SLC8B1: variants seen among roughly 807,000 people sequenced by gnomAD.
SLC8B1 encodes solute carrier family 8 member B1.
In SLC8B1, 52 loss-of-function variants were observed where a neutral mutation model predicts 63.4. That is an observed-to-expected ratio of 0.82 (90% CI 0.66 to 1.03). SLC8B1 has a LOEUF of 1.03. Ranked by LOEUF, SLC8B1 falls within the 50% of genes least tolerant of loss-of-function variation. The pLI, the probability that SLC8B1 is intolerant of heterozygous loss-of-function variation, is 0.00. For missense variants in SLC8B1, 657 were observed against 741.7 expected, an observed-to-expected ratio of 0.89 and a Z score of 1.33; for synonymous variants, 336 against 323.9, an observed-to-expected ratio of 1.04 and a Z score of -0.40.
chr12:113,326,525 G>A (rs745315026), intron 2 of SLC8B1, among the ~76,000 whole-genome samples: 10 of 151,898 alleles, frequency 6.6e-5, no homozygotes, highest in African/African-American at 2.4e-4. Flanking sequence ...GTGCCACCAC[G>A]CCTGGCTGAT....
intron 15 of SLC8B1, chr12:113,302,314 A>G: frequency 4.8e-6 from 1 of 208,298 alleles, no homozygotes; most frequent in Non-Finnish European, 9.9e-6. Context: ...AAGGAACGTC[A>G]GGAGCCAACA....
intron 11 of SLC8B1, among the ~76,000 whole-genome samples, chr12:113,311,772 C>T (rs1956766013): frequency 6.9e-6 from 1 of 144,404 alleles, no homozygotes. Flanking sequence ...GACACAATCA[C>T]AGCTCACTGC....
At chr12:113,311,556 G>A (rs1011978443) in intron 11 of SLC8B1, among the ~76,000 whole-genome samples, 9 of 151,912 alleles carry the variant, frequency 5.9e-5, no homozygotes, top group Non-Finnish European at 8.8e-5. Context: ...GGGAGGTGGC[G>A]GTTGCAGTGA....
intron 13 of SLC8B1, 111 bp from the exon 14 acceptor site, chr12:113,306,686 T>C (rs1402615046): frequency 1.2e-6 from 1 of 831,762 alleles, no homozygotes. Context: ...CACAGATGGA[T>C]GCCCAAGTGT....
intron 2 of SLC8B1, among the ~76,000 whole-genome samples, chr12:113,321,668 A>C (rs1409326159): frequency 6.6e-6 from 1 of 152,104 alleles, no homozygotes; most frequent in Non-Finnish European, 1.5e-5. Flanking sequence ...ACATCCTTAC[A>C]GACATTTCTC....
chr12:113,320,618 G>A lies in SLC8B1; in HGVS notation c.489C>T (p.Asp163=), dbSNP rs1353476362. The change falls in exon 6 of 16, where the codon GAC becomes GAT. Residue 163 remains aspartate (D), a synonymous_variant. Coordinates refer to ENST00000680972, the MANE Select transcript of SLC8B1 (RefSeq NM_001358345.2). This position sits in a 1 kb window ranked among gnomAD's most constrained non-coding sequence, Gnocchi z 5.3. ...CAAGGGCCAGGCCGGCTGTGTGCGG[G>A]TCAGAGAAGGCCACCAGGGCACTGA... is the stretch of plus-strand genomic sequence containing the variant. ...DIFSALVAFS[D]PHTAGLALGA... The A allele has an allele frequency of 1.1e-5, 17 of 1,613,992 alleles. No individual in the cohort carries two copies. Among genetic ancestry groups the A allele is most frequent in the Middle Eastern group, 1.6e-4 (1 of 6,084 alleles).
rs953843328 is a variant in SLC8B1 at position 113,320,983 on chromosome 12, G to A, written c.362+73C>T. 6.9e-6 allele frequency: 11 copies of A among 1,590,158 alleles called. No individual in the cohort carries two copies. The Admixed American group carries it at 7.4e-5, about 11-fold the overall frequency. On this transcript the variant is annotated intron_variant, in intron 4 of 15. Coordinates refer to ENST00000680972, the MANE Select transcript of SLC8B1 (RefSeq NM_001358345.2). The surrounding 1 kb of genome is among the most constrained non-coding windows in gnomAD (Gnocchi z 5.3). Reference sequence around the variant, plus strand: ...CCCCTATCCTTCCCCCAAACTGAGGGTGACCGAATGTCAGCCTCCTGGGAC... The same window carrying A: ...CCCCTATCCTTCCCCCAAACTGAGGATGACCGAATGTCAGCCTCCTGGGAC...
At chr12:113,324,310 CAAAAAAAAACAAACAAACAAA>C (rs1395614998) in intron 2 of SLC8B1, among the ~76,000 whole-genome samples, 1 of 97,434 alleles carries the variant, frequency 1.0e-5, no homozygotes, top group East Asian at 3.3e-4. Context: ...AAGCCTGTCT[CAAAAAAAAACAAACAAACAAA>C]AAAAAAAACT....
intron 2 of SLC8B1, among the ~76,000 whole-genome samples, chr12:113,322,314 C>A (rs1956941847): frequency 6.6e-6 from 1 of 152,142 alleles, no homozygotes; most frequent in African/African-American, 2.4e-5. Flanking sequence ...AAGGTTGGAA[C>A]CCAGGCAGTT....
Position 113,332,955 on chromosome 12 carries a change from G to T in SLC8B1, c.-77C>A. ...TCAGTTCCAAACAGCTGGCGGCTCC[G>T]GTGGCCTGCAAGGTGGGAGTGAGAA... On this transcript the variant is annotated 5_prime_UTR_variant, in exon 2 of 16. Transcript: ENST00000680972. 1 of 1,554,768 alleles carries T rather than the reference G, an allele frequency of 6.4e-7. No individual in the cohort carries two copies. Among genetic ancestry groups the T allele is most frequent in the Non-Finnish European group, 8.7e-7 (1 of 1,151,392 alleles).
intron 15 of SLC8B1, among the ~76,000 whole-genome samples, chr12:113,300,547 A>C (rs1295974996): frequency 6.6e-6 from 1 of 152,198 alleles, no homozygotes; most frequent in Non-Finnish European, 1.5e-5. Context: ...GTTTGAGGGC[A>C]CCAGCTGGGG....
At chr12:113,323,856 G>C (rs1956961921) in intron 2 of SLC8B1, among the ~76,000 whole-genome samples, 1 of 152,116 alleles carries the variant, frequency 6.6e-6, no homozygotes, top group Admixed American at 6.6e-5. Flanking sequence ...CTGGAAGTGA[G>C]ATTTCTTATC....
intron 11 of SLC8B1, among the ~76,000 whole-genome samples, chr12:113,313,694 G>A (rs1428487382): frequency 6.6e-6 from 1 of 151,672 alleles, no homozygotes; most frequent in African/African-American, 2.4e-5. Context: ...AGCCGAGATC[G>A]TGCCACTGCA....
intron 14 of SLC8B1, 81 bp from the exon 15 acceptor site, chr12:113,304,466 T>A: frequency 1.5e-6 from 2 of 1,319,986 alleles, no homozygotes; most frequent in Non-Finnish European, 2.2e-6. Context: ...ACTGTGTTCA[T>A]CCCCAGGGCT....
At chr12:113,322,546 CT>C (rs1172701477) in intron 2 of SLC8B1, among the ~76,000 whole-genome samples, 1 of 152,158 alleles carries the variant, frequency 6.6e-6, no homozygotes, top group East Asian at 1.9e-4. Flanking sequence ...AGAGAAAGTG[CT>C]GAATCAGAGG....
intron 2 of SLC8B1, among the ~76,000 whole-genome samples, chr12:113,328,324 TG>T (rs1957020190): frequency 6.6e-6 from 1 of 152,166 alleles, no homozygotes; most frequent in African/African-American, 2.4e-5. Flanking sequence ...CCACCAAGCC[TG>T]GCCAGAAATT....
chr12:113,316,211 G>A (rs1341238743), intron 10 of SLC8B1, among the ~76,000 whole-genome samples: 1 of 150,916 alleles, frequency 6.6e-6, no homozygotes, highest in Non-Finnish European at 1.5e-5. Flanking sequence ...GGGCAATAGA[G>A]CGAAACTCTG....
At chr12:113,317,263 T>A (rs552104359) in intron 8 of SLC8B1, among the ~76,000 whole-genome samples, 33 of 152,108 alleles carry the variant, frequency 2.2e-4, no homozygotes, top group South Asian at 1.2e-3. Context: ...AGCTAATTTT[T>A]AAAAATTTTA....
rs1413484646 is a variant in SLC8B1 at position 113,305,573 on chromosome 12, T to C, written c.1492+922A>G. On this transcript the variant is annotated intron_variant, in intron 14 of 15. Coordinates refer to ENST00000680972, the MANE Select transcript of SLC8B1 (RefSeq NM_001358345.2). The surrounding 1 kb of genome is among the most constrained non-coding windows in gnomAD (Gnocchi z 4.3). ...AGCCCCAGGCTGGCTATATCCGTCTTTTCTATATAGACCAAAAGTTGGCAA... is the reference window on the plus strand; with the variant it reads ...AGCCCCAGGCTGGCTATATCCGTCTCTTCTATATAGACCAAAAGTTGGCAA... Among the ~76,000 whole-genome samples, 1 of 152,246 alleles carries C rather than the reference T, an allele frequency of 6.6e-6. No individual in the cohort carries two copies. The highest frequency in any genetic ancestry group is 2.4e-5 in the African/African-American group (1 of 41,474).
Sources: gnomAD v4.1 joint callset for allele counts (sites outside exome capture counted in the v4.1 genomes callset) on GRCh38, gnomAD v4.1.1 for gene constraint, Gnocchi (gnomAD v3.1) non-coding constraint, MANE v1.5 for transcripts, NCBI Gene and HGNC (gene_info 2026-07-23, HGNC 2026-07-21) for gene names.